SDCCAG8: variants seen among roughly 807,000 people sequenced by gnomAD.
SDCCAG8 encodes SHH signaling and ciliogenesis regulator SDCCAG8, also known as serologically defined colon cancer antigen 8.
In SDCCAG8, 74 loss-of-function variants were observed where a neutral mutation model predicts 101.8. That is an observed-to-expected ratio of 0.73 (90% CI 0.60 to 0.88). The LOEUF (loss-of-function observed/expected upper bound fraction) is 0.88. SDCCAG8 is among the 40% of genes least tolerant of loss of function. SDCCAG8 has a pLI of 0.00. For synonymous variants in SDCCAG8, 281 were observed against 292.9 expected, an observed-to-expected ratio of 0.96 and a Z score of 0.41; for missense variants, 787 against 822.6, an observed-to-expected ratio of 0.96 and a Z score of 0.53.
At position 243,416,671 on chromosome 1, in the gene SDCCAG8, T is replaced by G. The variant is rs2080606910; in HGVS notation, c.1744+842T>G. ...AAATGCACTTTGAAAATAGACAGTT[T>G]GATTTGTTCAGTCAGAGCATTATGT... On this transcript the variant is annotated intron_variant, in intron 14 of 17. Coordinates refer to ENST00000366541, the MANE Select transcript of SDCCAG8 (RefSeq NM_006642.5). The surrounding 1 kb of genome is among the most constrained non-coding windows in gnomAD (Gnocchi z 4.3). Among the ~76,000 whole-genome samples, 2 of 152,202 alleles carry G rather than the reference T, an allele frequency of 1.3e-5. No homozygotes were observed. Among genetic ancestry groups the G allele is most frequent in the Non-Finnish European group, 2.9e-5 (2 of 68,036 alleles).
chr1:243,459,634 G>T (rs1658637666), intron 16 of SDCCAG8, among the ~76,000 whole-genome samples: 1 of 152,178 alleles, frequency 6.6e-6, no homozygotes, highest in Non-Finnish European at 1.5e-5. Context: ...AAGAGACAGG[G>T]TTTAACTCTG....
At chr1:243,353,518 A>AAAAAAAAAAAAAAAAAAT (rs1409194646) in intron 12 of SDCCAG8, among the ~76,000 whole-genome samples, 1 of 148,754 alleles carries the variant, frequency 6.7e-6, no homozygotes, top group Non-Finnish European at 1.5e-5. Context: ...AAAAAAAAAA[A>AAAAAAAAAAAAAAAAAAT]AAAAAGAATG....
intron 8 of SDCCAG8, among the ~76,000 whole-genome samples, chr1:243,313,478 C>T (rs1023330846): frequency 1.2e-4 from 19 of 152,134 alleles, no homozygotes; most frequent in Admixed American, 3.3e-4. Flanking sequence ...CTCATTAGTG[C>T]GTGTAAGTAC....
In SDCCAG8 at chr1:243,460,832, A is replaced by T. The variant is rs151293665; in HGVS notation, c.1986-28182A>T. On this transcript the variant is annotated intron_variant, in intron 16 of 17. Transcript: ENST00000366541. ...GCGTGTTCGGCTTGTTCCCTTTCTC[A>T]GGTGGTGGAAGTCTGTGGCCTCTTA... Among the ~76,000 whole-genome samples, 81 of 152,168 alleles carry T rather than the reference A, an allele frequency of 5.3e-4. 1 individual carries two copies. In the East Asian group the frequency reaches 0.012, roughly 22 times the overall value.
chr1:243,355,608 A>C (rs1170252834), intron 12 of SDCCAG8, among the ~76,000 whole-genome samples: 1 of 152,008 alleles, frequency 6.6e-6, no homozygotes, highest in Non-Finnish European at 1.5e-5. Context: ...CTTTATGATT[A>C]ATATTATTAT....
chr1:243,386,347 AGTT>A (rs2078287375), intron 13 of SDCCAG8, among the ~76,000 whole-genome samples: 2 of 152,222 alleles, frequency 1.3e-5, no homozygotes, highest in Admixed American at 1.3e-4. Flanking sequence ...GGATTAATGC[AGTT>A]GTTCTGAAAA....
At chr1:243,273,960 A>G (rs2068303541) in intron 3 of SDCCAG8, among the ~76,000 whole-genome samples, 1 of 152,256 alleles carries the variant, frequency 6.6e-6, no homozygotes, top group Admixed American at 6.5e-5. Context: ...TGGAATTTAT[A>G]GGATAGAGAA....
intron 1 of SDCCAG8, among the ~76,000 whole-genome samples, chr1:243,264,058 A>G (rs778898805): frequency 3.9e-5 from 6 of 152,104 alleles, no homozygotes; most frequent in Non-Finnish European, 7.4e-5. Context: ...CTCGGGAGGA[A>G]TGGTTCATTG....
chr1:243,308,218 G>C, intron 8 of SDCCAG8, 41 bp downstream of exon 8: 2 of 1,603,298 alleles, frequency 1.2e-6, no homozygotes, highest in Non-Finnish European at 1.7e-6. Context: ...TGGCAATATG[G>C]AAAATTCTGC....
At chr1:243,363,195 A>G (rs1311261441) in intron 12 of SDCCAG8, among the ~76,000 whole-genome samples, 3 of 152,206 alleles carry the variant, frequency 2.0e-5, no homozygotes, top group African/African-American at 4.8e-5. Flanking sequence ...TCTGTCTTCC[A>G]TGTGATTTGT....
chr1:243,406,584 C>T (rs2079799643), intron 13 of SDCCAG8, among the ~76,000 whole-genome samples: 1 of 152,216 alleles, frequency 6.6e-6, no homozygotes. Flanking sequence ...CTTTCTAAAG[C>T]ACGAGTGTGA....
intron 1 of SDCCAG8, chr1:243,267,780 C>A: frequency 1.2e-6 from 1 of 812,062 alleles, no homozygotes; most frequent in Non-Finnish European, 2.2e-6. Flanking sequence ...TACTTCTGCC[C>A]CAATTTCTCA....
chr1:243,360,843 A>T (rs1420430587), intron 12 of SDCCAG8, among the ~76,000 whole-genome samples: 1 of 152,080 alleles, frequency 6.6e-6, no homozygotes, highest in East Asian at 1.9e-4. Context: ...AAACAAAACA[A>T]AAAAACAAAC....
intron 16 of SDCCAG8, among the ~76,000 whole-genome samples, chr1:243,480,355 G>GTGGA (rs1663258072): frequency 4.5e-5 from 4 of 89,642 alleles, no homozygotes; most frequent in Admixed American, 2.3e-4. Context: ...GGATGGATGG[G>GTGGA]TGGGTGGGAT....
intron 13 of SDCCAG8, among the ~76,000 whole-genome samples, chr1:243,404,018 A>G (rs1205556027): frequency 1.3e-5 from 2 of 152,196 alleles, no homozygotes; most frequent in African/African-American, 2.4e-5. Flanking sequence ...AAGTGGAGGA[A>G]TTGCAACTTT....
At chr1:243,444,777 TG>T (rs1421504448) in intron 16 of SDCCAG8, among the ~76,000 whole-genome samples, 2 of 152,252 alleles carry the variant, frequency 1.3e-5, no homozygotes, top group African/African-American at 4.8e-5. Flanking sequence ...AAGTTAATAC[TG>T]AATATTATTT....
intron 4 of SDCCAG8, 60 bp downstream of exon 4, chr1:243,274,716 T>G (rs2068386810): frequency 7.8e-6 from 8 of 1,019,238 alleles, no homozygotes; most frequent in Non-Finnish European, 1.2e-5. Flanking sequence ...AACTATAGAT[T>G]GTATTAAAAT....
chr1:243,486,202 CAAAAAAA>C (rs57724631), intron 16 of SDCCAG8, among the ~76,000 whole-genome samples: 22 of 61,414 alleles, frequency 3.6e-4, no homozygotes, highest in African/African-American at 9.0e-4. Context: ...ACTCTGCCTC[CAAAAAAA>C]AAAAAAAAAA....
intron 13 of SDCCAG8, among the ~76,000 whole-genome samples, chr1:243,408,114 G>T (rs999658277): frequency 7.2e-5 from 11 of 152,126 alleles, no homozygotes; most frequent in African/African-American, 2.7e-4. Flanking sequence ...TTCTCTGACT[G>T]TAGTCAGTAG....
Sources: allele counts gnomAD v4.1 joint callset (sites outside exome capture counted in the v4.1 genomes callset), GRCh38; gene constraint gnomAD v4.1.1; non-coding constraint Gnocchi (gnomAD v3.1); transcripts MANE v1.5; gene names NCBI Gene and HGNC (gene_info 2026-07-23, HGNC 2026-07-21).